Variants in NBN observed in about 807,000 individuals in gnomAD.
NBN encodes the protein Nijmegen breakage syndrome 1 (nibrin).
In NBN, 88 loss-of-function variants were observed where a neutral mutation model predicts 90.8. That is an observed-to-expected ratio of 0.97 (90% CI 0.82 to 1.16). The LOEUF is 1.16. NBN is among the 50% of genes most tolerant of loss of function. NBN has a pLI of 0.00. For synonymous variants in NBN, 328 were observed against 295.1 expected, an observed-to-expected ratio of 1.11 and a Z score of -1.14; for missense variants, 894 against 869.6, an observed-to-expected ratio of 1.03 and a Z score of -0.35.
At position 89,982,743 on chromosome 8, in the gene NBN, A is replaced by G. The variant is rs1586111590; in HGVS notation, c.150T>C (p.Ala50=). The G allele has an allele frequency of 6.2e-7, 1 of 1,614,032 alleles. No homozygotes were observed. Among genetic ancestry groups the G allele is most frequent in the Non-Finnish European group, 8.5e-7 (1 of 1,179,918 alleles). Residue 50 remains alanine, a synonymous_variant, in exon 2 of 16, where the codon GCT becomes GCC. Transcript: ENST00000265433. ...SISRNHAVLT[A]NFSVTNLSQT... ...ATACCAGGTTGGTTACAGAAAAGTT[A>G]GCAGTTAACACAGCATGATTTCGGC...
intron 5 of NBN, among the ~76,000 whole-genome samples, chr8:89,976,954 T>A (rs868428955): frequency 2.0e-5 from 3 of 152,306 alleles, no homozygotes; most frequent in Middle Eastern, 3.4e-3. Context: ...TTATCCGGTA[T>A]AAACAGTCCC....
intron 8 of NBN, among the ~76,000 whole-genome samples, chr8:89,963,072 T>A (rs923437954): frequency 2.6e-5 from 4 of 152,132 alleles, no homozygotes; most frequent in African/African-American, 9.7e-5. Context: ...CAGATTAAAG[T>A]TTGATGATGG....
intron 10 of NBN, among the ~76,000 whole-genome samples, chr8:89,954,756 T>C (rs771758631): frequency 6.6e-6 from 1 of 151,752 alleles, no homozygotes; most frequent in Non-Finnish European, 1.5e-5. Context: ...CATACAGAAA[T>C]GGGAGAAATA....
At chr8:89,940,425 T>C (rs892353285) in intron 14 of NBN, among the ~76,000 whole-genome samples, 3 of 152,174 alleles carry the variant, frequency 2.0e-5, no homozygotes, top group African/African-American at 7.2e-5. Flanking sequence ...CCTGGCTGAA[T>C]TCTGTTCTTA....
chr8:89,934,521 G>A lies in NBN; in HGVS notation c.*1061C>T. 4.3e-6 allele frequency: 1 copy of A among 233,186 alleles called. No individual in the cohort carries two copies. The highest frequency in any genetic ancestry group is 6.0e-5 in the East Asian group (1 of 16,570). 14.4% of individuals were successfully genotyped at this position (233,186 alleles called of 1,614,324 possible). On this transcript the variant is annotated 3_prime_UTR_variant, in exon 16 of 16. Transcript: ENST00000265433. Reference sequence around the variant, plus strand: ...AGTAGATGCACTTCCACAAGATTTGGAAGGTGAGAGTGATGTAGAGGCCAG... The same window carrying A: ...AGTAGATGCACTTCCACAAGATTTGAAAGGTGAGAGTGATGTAGAGGCCAG...
intron 13 of NBN, among the ~76,000 whole-genome samples, chr8:89,943,574 C>T (rs1810051530): frequency 6.6e-6 from 1 of 152,040 alleles, no homozygotes; most frequent in Non-Finnish European, 1.5e-5. Flanking sequence ...CAGATCTGGA[C>T]ATGTCATGGG....
At position 89,935,656 on chromosome 8, in the gene NBN, T is replaced by C. The variant is rs758856200; in HGVS notation, c.2235-44A>G. ...GGTTAAATGATATTTAGATAAGGGA[T>C]GGTATTTCTTTTAAAGGTAAAGAAC... On this transcript the variant is annotated intron_variant, in intron 15 of 15. Transcript: ENST00000265433. 7.5e-6 allele frequency: 12 copies of C among 1,598,492 alleles called. No individual in the cohort carries two copies. In the East Asian group the frequency reaches 1.1e-4, roughly 15 times the overall value.
chr8:89,982,205 G>A (rs544653854), intron 2 of NBN, among the ~76,000 whole-genome samples: 32 of 152,024 alleles, frequency 2.1e-4, no homozygotes, highest in African/African-American at 7.5e-4. Flanking sequence ...GGAGCTGTGG[G>A]GCATAAGTAA....
chr8:89,946,250 G>C lies in NBN; in HGVS notation c.1960C>G (p.Leu654Val). ...AGTGATCTAAATTCAGTCAATAACA[G>C]CTTTTTTGGAAGCATCTCACTATCA... ...QDDSEMLPKK[L>V]LLTEFRSLVI... The change falls in exon 13 of 16, where the codon CTG (leucine) becomes GTG (valine). Residue 654 changes from leucine (L) to valine (V), a missense_variant. Transcript: ENST00000265433. 6.3e-7 allele frequency: 1 copy of C among 1,586,974 alleles called. No individual in the cohort carries two copies. Among genetic ancestry groups the C allele is most frequent in the South Asian group, 1.1e-5 (1 of 90,402 alleles).
chr8:89,982,844 T>C lies in NBN; in HGVS notation c.49A>G (p.Arg17Gly). The change falls in exon 2 of 16, where the codon AGA becomes GGA. Residue 17 changes from arginine (R) to glycine (G), a missense_variant. Arg to Gly is a moderately radical substitution (Grantham distance 125). Transcript: ENST00000265433. ...AAGPAGGEPYRLLTGVEYVVG... is the reference protein window; with the variant it reads ...AAGPAGGEPYGLLTGVEYVVG... ...ACGTACTCAACGCCAGTCAAAAGTCTGTATGGTTCTCCTGAGATAAATTTT... is the reference window on the plus strand; with the variant it reads ...ACGTACTCAACGCCAGTCAAAAGTCCGTATGGTTCTCCTGAGATAAATTTT... 6.2e-7 allele frequency: 1 copy of C among 1,613,576 alleles called. No individual in the cohort carries two copies. Among genetic ancestry groups the C allele is most frequent in the Non-Finnish European group, 8.5e-7 (1 of 1,179,606 alleles).
chr8:89,940,461 A>G (rs919949775), intron 14 of NBN, among the ~76,000 whole-genome samples: 3 of 152,082 alleles, frequency 2.0e-5, no homozygotes, highest in African/African-American at 7.2e-5. Context: ...TGTTAGAAGT[A>G]ATTTTGATTA....
At chr8:89,982,121 G>T (rs2129920608) in intron 2 of NBN, 1 of 287,438 alleles carries the variant, frequency 3.5e-6, no homozygotes, top group Non-Finnish European at 6.8e-6. Context: ...CATGAGTACA[G>T]ATATTCCTAT....
chr8:89,974,151 C>T (rs1811639128), intron 5 of NBN, among the ~76,000 whole-genome samples: 1 of 151,946 alleles, frequency 6.6e-6, no homozygotes, highest in Non-Finnish European at 1.5e-5. Context: ...AAACTGTATC[C>T]CAAGCCACAC....
intron 11 of NBN, among the ~76,000 whole-genome samples, chr8:89,950,128 A>G (rs1406261910): frequency 6.6e-6 from 1 of 152,178 alleles, no homozygotes; most frequent in Non-Finnish European, 1.5e-5. Context: ...AAACAGAAAT[A>G]CTTTTGTAGC....
chr8:89,956,311 A>T (rs1810714553), intron 9 of NBN, among the ~76,000 whole-genome samples: 1 of 152,062 alleles, frequency 6.6e-6, no homozygotes, highest in South Asian at 2.1e-4. Context: ...AGCAAAAATT[A>T]AAATAAATAA....
chr8:89,970,571 G>A lies in NBN; in HGVS notation c.703-14C>T, dbSNP rs1411178267. 15 of 1,609,886 alleles carry A rather than the reference G, an allele frequency of 9.3e-6. No individual in the cohort carries two copies. The highest frequency in any genetic ancestry group is 1.2e-5 in the Non-Finnish European group (14 of 1,176,444). ...CAATTTCTTATGCTAAAAATGGAAG[G>A]AAACATTTTTTAAAGTAAAATGTAG... On this transcript the variant is annotated splice_polypyrimidine_tract_variant and intron_variant, in intron 6 of 15. Transcript: ENST00000265433.
intron 10 of NBN, 109 bp from the exon 11 acceptor site, chr8:89,953,800 C>T: frequency 1.2e-6 from 1 of 821,260 alleles, no homozygotes; most frequent in Non-Finnish European, 1.9e-6. Flanking sequence ...ACAATGTACT[C>T]TTGATTTTAT....
intron 5 of NBN, among the ~76,000 whole-genome samples, chr8:89,976,259 C>T (rs1811752324): frequency 6.6e-6 from 1 of 152,188 alleles, no homozygotes; most frequent in Admixed American, 6.5e-5. Context: ...CAGGCGTGAG[C>T]CACCAGGGCT....
At chr8:89,951,243 C>T (rs564471166) in intron 11 of NBN, among the ~76,000 whole-genome samples, 87 of 139,320 alleles carry the variant, frequency 6.2e-4, no homozygotes, top group Non-Finnish European at 9.7e-4. Flanking sequence ...ACCCGGGAGG[C>T]GGAGCTTGCA....
Sources: allele counts gnomAD v4.1 joint callset (sites outside exome capture counted in the v4.1 genomes callset), GRCh38; gene constraint gnomAD v4.1.1; transcripts MANE v1.5; gene names NCBI Gene and HGNC (gene_info 2026-07-23, HGNC 2026-07-21).